The following LIMCH1 variants were observed in gnomAD, a reference collection of about 807,000 sequenced individuals.
LIMCH1 encodes the protein LIM and calponin homology domains 1, also known as LIM and calponin homology domains-containing protein 1.
A neutral mutation model predicts 176.5 loss-of-function variants in LIMCH1; 113 were observed. The ratio of observed to expected loss-of-function variants is 0.64; its 90% CI spans 0.55 to 0.75. The LOEUF is 0.75. LIMCH1 is among the 30% of genes least tolerant of loss of function. The pLI, the probability that LIMCH1 is intolerant of heterozygous loss-of-function variation, is 0.00. For synonymous variants in LIMCH1, 619 were observed against 645.9 expected, an observed-to-expected ratio of 0.96 and a Z score of 0.63; for missense variants, 1,674 against 1,814.9, an observed-to-expected ratio of 0.92 and a Z score of 1.41.
intron 1 of LIMCH1, among the ~76,000 whole-genome samples, chr4:41,419,454 G>A (rs1356422036): frequency 1.3e-5 from 2 of 152,064 alleles, no homozygotes; most frequent in Non-Finnish European, 2.9e-5. Context: ...GATTACAAGC[G>A]TGAGCCACCA....
At chr4:41,414,102 G>A (rs1456473612) in intron 1 of LIMCH1, among the ~76,000 whole-genome samples, 2 of 152,076 alleles carry the variant, frequency 1.3e-5, no homozygotes, top group Non-Finnish European at 2.9e-5. Flanking sequence ...CAAATATCTG[G>A]GAGTAAATAA....
intron 15 of LIMCH1, 34 bp from the exon 16 acceptor site, chr4:41,646,089 G>A (rs772061653): frequency 6.3e-7 from 1 of 1,580,126 alleles, no homozygotes; most frequent in Non-Finnish European, 8.6e-7. Context: ...GCACAAGTCT[G>A]AAGAAGAATA....
At chr4:41,638,596 T>G (rs907159056) in intron 13 of LIMCH1, among the ~76,000 whole-genome samples, 7 of 152,220 alleles carry the variant, frequency 4.6e-5, no homozygotes, top group African/African-American at 1.7e-4. Context: ...TACATGTTTG[T>G]TTTCTAAGCT....
At position 41,517,280 on chromosome 4, in the gene LIMCH1, T is replaced by G. The variant is rs2075676608; in HGVS notation, c.168-7129T>G. 2.0e-5 allele frequency among the ~76,000 whole-genome samples: 3 copies of G among 152,174 alleles called. No homozygotes were observed. In the South Asian group the frequency reaches 6.2e-4, roughly 32 times the overall value. On this transcript the variant is annotated intron_variant, in intron 2 of 26. Transcript: ENST00000313860. The stretch of plus-strand genomic sequence containing the variant: ...CTGCCTGTGCTTCATTGGCCAGCAC[T>G]CTATTATATAGCCACAGCAAATTGC...
intron 9 of LIMCH1, among the ~76,000 whole-genome samples, chr4:41,630,549 T>C (rs1220759419): frequency 1.3e-5 from 2 of 152,228 alleles, no homozygotes; most frequent in Non-Finnish European, 1.5e-5. Flanking sequence ...TTAGAGATGT[T>C]AGAATTGATG....
At chr4:41,396,434 A>G (rs548398551) in intron 1 of LIMCH1, among the ~76,000 whole-genome samples, 1 of 152,350 alleles carries the variant, frequency 6.6e-6, no homozygotes, top group South Asian at 2.1e-4. Flanking sequence ...TGCTGAGCTC[A>G]GAGCCCTTCC....
In LIMCH1 at chr4:41,634,415, A is replaced by AGGAG. The variant is rs554587406; in HGVS notation, c.2090+610_2090+613dup. On this transcript the variant is annotated intron_variant, in intron 13 of 31. Transcript: ENST00000503057. Reference sequence around the variant, plus strand: ...CCTACCAATGTAGGGCAAAGAAGTGAGGAGGGCTTTGCATAATTTATAAGC... The same window carrying AGGAG: ...CCTACCAATGTAGGGCAAAGAAGTGAGGAGGGAGGGCTTTGCATAATTTATAAGC... Among the ~76,000 whole-genome samples, 192 of 152,334 alleles carry AGGAG rather than the reference A, an allele frequency of 1.3e-3. 1 individual carries two copies. The highest frequency in any genetic ancestry group is 0.01 in the Middle Eastern group (3 of 294).
At chr4:41,632,589 A>G (rs2093382004) in intron 10 of LIMCH1, among the ~76,000 whole-genome samples, 160 bp from the exon 11 acceptor site, 1 of 152,144 alleles carries the variant, frequency 6.6e-6, no homozygotes, top group African/African-American at 2.4e-5. Flanking sequence ...TTCACATTCC[A>G]TTATCTCAAT....
At chr4:41,682,185 T>C in intron 25 of LIMCH1, 148 bp from the exon 26 acceptor site, 1 of 512,252 alleles carries the variant, frequency 2.0e-6, no homozygotes, top group Non-Finnish European at 3.4e-6. Context: ...TAGTTGGAAA[T>C]CAGTTGCTAT....
intron 7 of LIMCH1, among the ~76,000 whole-genome samples, chr4:41,621,883 A>G (rs1169079557): frequency 6.6e-6 from 1 of 151,968 alleles, no homozygotes; most frequent in East Asian, 1.9e-4. Flanking sequence ...CCATTTCTCT[A>G]TACAGCTCCA....
chr4:41,429,909 G>A (rs2061444859), intron 1 of LIMCH1, among the ~76,000 whole-genome samples: 1 of 152,134 alleles, frequency 6.6e-6, no homozygotes, highest in African/African-American at 2.4e-5. Context: ...ACTGTCTTGT[G>A]GGATTTGGCT....
At chr4:41,376,124 T>C (rs1429955191) in intron 1 of LIMCH1, among the ~76,000 whole-genome samples, 1 of 152,240 alleles carries the variant, frequency 6.6e-6, no homozygotes, top group African/African-American at 2.4e-5. Context: ...ATGGAGTTAC[T>C]TTCTGAATGA....
chr4:41,694,348 T>A (rs1728742331), intron 31 of LIMCH1, among the ~76,000 whole-genome samples: 1 of 152,180 alleles, frequency 6.6e-6, no homozygotes, highest in South Asian at 2.1e-4. Flanking sequence ...CAATAATTTC[T>A]TGGGGTAGGG....
At chr4:41,571,700 G>A (rs1467221539) in intron 1 of LIMCH1, among the ~76,000 whole-genome samples, 4 of 152,178 alleles carry the variant, frequency 2.6e-5, no homozygotes, top group East Asian at 1.9e-4. Flanking sequence ...GATGGATAAT[G>A]TGTTCGGCCA....
At chr4:41,391,220 C>T (rs960913136) in intron 1 of LIMCH1, among the ~76,000 whole-genome samples, 1 of 152,150 alleles carries the variant, frequency 6.6e-6, no homozygotes, top group Non-Finnish European at 1.5e-5. Context: ...TATTTTAATC[C>T]TTAAGTGCTC....
At position 41,662,863 on chromosome 4, in the gene LIMCH1, C is replaced by T. The variant is rs755875642; in HGVS notation, c.3170C>T (p.Thr1057Ile). The T allele has an allele frequency of 1.9e-6, 3 of 1,614,048 alleles. No homozygotes were observed. Among genetic ancestry groups the T allele is most frequent in the Non-Finnish European group, 2.5e-6 (3 of 1,179,998 alleles). ...ACAACTGTGACTCGATGCAGCCCGA[C>T]CGTGGCCTTTGTGGAATTTCCCTCC... Reference protein sequence around the residue: ...FTTTVTRCSPTVAFVEFPSSP... With the variant: ...FTTTVTRCSPIVAFVEFPSSP... Residue 1057 changes from threonine to isoleucine, a missense_variant, in exon 20 of 32, where the codon ACC (threonine) becomes ATC (isoleucine). Physicochemically the swap from Thr to Ile is moderately conservative, Grantham distance 89. Coordinates refer to ENST00000503057, the MANE Select transcript of LIMCH1 (RefSeq NM_001330672.2).
chr4:41,411,784 C>G (rs1006936255), intron 1 of LIMCH1, among the ~76,000 whole-genome samples: 1 of 151,504 alleles, frequency 6.6e-6, no homozygotes, highest in South Asian at 2.1e-4. Context: ...ATGGTGAAAC[C>G]TTGTTTCTAC....
chr4:41,451,201 C>T (rs921801454), intron 1 of LIMCH1, among the ~76,000 whole-genome samples: 6 of 152,108 alleles, frequency 3.9e-5, no homozygotes, highest in African/African-American at 1.2e-4. Flanking sequence ...CCGCAACCTC[C>T]GCCTCCCGGG....
At chr4:41,600,754 A>G (rs2089772217) in intron 2 of LIMCH1, among the ~76,000 whole-genome samples, 1 of 152,232 alleles carries the variant, frequency 6.6e-6, no homozygotes, top group Admixed American at 6.5e-5. Context: ...TTCTGGGTCA[A>G]GCTTGCTCAG....
Sources: allele counts gnomAD v4.1 joint callset (sites outside exome capture counted in the v4.1 genomes callset), GRCh38; gene constraint gnomAD v4.1.1; transcripts MANE v1.5; gene names NCBI Gene and HGNC (gene_info 2026-07-23, HGNC 2026-07-21).